RIN2: variants seen among roughly 807,000 people sequenced by gnomAD.
The protein encoded by RIN2 is Ras and Rab interactor 2.
A neutral mutation model predicts 78.0 loss-of-function variants in RIN2; 36 were observed. The observed-to-expected ratio is 0.46, with a 90% CI of 0.35 to 0.61. The LOEUF is 0.61. RIN2 is among the 20% of genes least tolerant of loss of function. RIN2 has a pLI of 0.00. For synonymous variants in RIN2, 466 were observed against 466.8 expected (o/e 1.00, Z 0.02); for missense variants, 1,087 against 1,159.7 (o/e 0.94, Z 0.91).
rs554208195 is a variant in RIN2, at chr20:19,945,200, G to A, written c.158+10001G>A. Among the ~76,000 whole-genome samples the A allele has an allele frequency of 2.6e-5, 4 of 152,340 alleles. No individual in the cohort carries two copies. The South Asian group carries it at 8.3e-4, about 32-fold the overall frequency. ...GGGCAGTGCTGAGGCTCTGATTCAAGTCTGACTTGGAGTCCTCTTTCCACC... is the reference window on the plus strand; with the variant it reads ...GGGCAGTGCTGAGGCTCTGATTCAAATCTGACTTGGAGTCCTCTTTCCACC... On this transcript the variant is annotated intron_variant, in intron 4 of 12. Transcript: ENST00000255006.
In RIN2 at chr20:19,785,250, TA is replaced by T. The variant is rs200365092; in HGVS notation, c.-162-14371del. ...AGTTTGTGAATCTAAGCATTTCAGC[TA>T]GTCAATGTTCTCACCCCTCTACATA... is the stretch of plus-strand genomic sequence containing the variant. On this transcript the variant is annotated intron_variant, in intron 1 of 12. Transcript: ENST00000255006. 3.3e-3 allele frequency among the ~76,000 whole-genome samples: 497 copies of T among 151,288 alleles called. 8 individuals carry two copies. Among genetic ancestry groups the T allele is most frequent in the Admixed American group, 0.024 (360 of 15,178 alleles).
intron 4 of RIN2, among the ~76,000 whole-genome samples, chr20:19,954,011 A>T (rs1321925213): frequency 1.3e-5 from 2 of 152,224 alleles, no homozygotes; most frequent in African/African-American, 2.4e-5. Flanking sequence ...TCTTGAATGA[A>T]TGAGTGAGAT....
chr20:19,836,583 T>G (rs1015959609), intron 2 of RIN2, among the ~76,000 whole-genome samples: 1 of 152,136 alleles, frequency 6.6e-6, no homozygotes, highest in African/African-American at 2.4e-5. Flanking sequence ...ATCTACCAAT[T>G]AGGAGACCAT....
intron 2 of RIN2, chr20:19,823,908 G>C: frequency 6.3e-7 from 1 of 1,592,876 alleles, no homozygotes. Flanking sequence ...TCAGGTATAC[G>C]ACTTTGATCT....
chr20:19,880,392 CTTTTTTTTTTTTTTT>C (rs33934712), intron 2 of RIN2, among the ~76,000 whole-genome samples: 1 of 57,388 alleles, frequency 1.7e-5, no homozygotes, highest in Non-Finnish European at 2.9e-5. Flanking sequence ...GGAAGTCATT[CTTTTTTTTTTTTTTT>C]TTTTTTTTTT....
chr20:19,862,175 G>T (rs530853604), intron 2 of RIN2, among the ~76,000 whole-genome samples: 1 of 152,180 alleles, frequency 6.6e-6, no homozygotes, highest in East Asian at 1.9e-4. Flanking sequence ...TTGGTAATAT[G>T]CATATGATAC....
chr20:19,851,431 T>C (rs962109050), intron 2 of RIN2, among the ~76,000 whole-genome samples: 2 of 152,048 alleles, frequency 1.3e-5, no homozygotes, highest in African/African-American at 2.4e-5. Flanking sequence ...ACAAAGAACC[T>C]TGGTCTTGGG....
At chr20:19,793,922 T>G (rs769807044) in intron 1 of RIN2, among the ~76,000 whole-genome samples, 3 of 152,104 alleles carry the variant, frequency 2.0e-5, no homozygotes, top group Admixed American at 6.6e-5. Context: ...GTGAGTAAAT[T>G]CTTAGCCTGA....
At chr20:19,822,766 A>T (rs2035965302) in intron 2 of RIN2, among the ~76,000 whole-genome samples, 1 of 152,216 alleles carries the variant, frequency 6.6e-6, no homozygotes, top group Admixed American at 6.5e-5. Flanking sequence ...TTTGTTGCTC[A>T]TGCTAATATA....
At chr20:19,914,304 C>A (rs1013977845) in intron 3 of RIN2, among the ~76,000 whole-genome samples, 1 of 152,100 alleles carries the variant, frequency 6.6e-6, no homozygotes, top group Non-Finnish European at 1.5e-5. Context: ...TAGGCTATTA[C>A]CCTAAAGGTA....
chr20:19,926,427 C>T (rs78413354), intron 3 of RIN2, among the ~76,000 whole-genome samples: 2,394 of 152,064 alleles, frequency 0.016, 68 homozygotes, highest in African/African-American at 0.054. Flanking sequence ...GCCTCCATTA[C>T]GTTTTTGTTT....
intron 11 of RIN2, among the ~76,000 whole-genome samples, chr20:19,996,340 A>C (rs2042963925): frequency 6.6e-6 from 1 of 152,020 alleles, no homozygotes; most frequent in Non-Finnish European, 1.5e-5. Context: ...AAAAACAAAC[A>C]AACAAAAAAA....
intron 3 of RIN2, among the ~76,000 whole-genome samples, chr20:19,910,960 A>G (rs555845552): frequency 5.1e-4 from 77 of 152,300 alleles, no homozygotes; most frequent in African/African-American, 1.7e-3. Flanking sequence ...CCTTGGTTCC[A>G]TATGCACCAG....
chr20:19,873,336 A>G (rs567020525), intron 2 of RIN2, among the ~76,000 whole-genome samples: 3 of 152,228 alleles, frequency 2.0e-5, no homozygotes, highest in African/African-American at 7.2e-5. Context: ...TATGTTGCCA[A>G]GGCTGCTCTT....
chr20:19,862,093 G>A (rs950082005), intron 2 of RIN2, among the ~76,000 whole-genome samples: 1 of 152,110 alleles, frequency 6.6e-6, no homozygotes, highest in Non-Finnish European at 1.5e-5. Context: ...AGTGGAGTCC[G>A]GCCATCCTGG....
intron 2 of RIN2, among the ~76,000 whole-genome samples, chr20:19,874,714 TG>T (rs2037802572): frequency 6.6e-6 from 1 of 152,172 alleles, no homozygotes; most frequent in Non-Finnish European, 1.5e-5. Flanking sequence ...CAGGTTACAC[TG>T]AGCAGAGGAG....
At chr20:19,930,431 C>A (rs1453848065) in intron 3 of RIN2, among the ~76,000 whole-genome samples, 1 of 152,150 alleles carries the variant, frequency 6.6e-6, no homozygotes, top group Non-Finnish European at 1.5e-5. Context: ...AAGAGCGGTA[C>A]CCAGACAAAA....
At chr20:19,867,151 A>G (rs908108811) in intron 2 of RIN2, among the ~76,000 whole-genome samples, 2 of 151,974 alleles carry the variant, frequency 1.3e-5, no homozygotes, top group Non-Finnish European at 1.5e-5. Context: ...TATTTGTTTT[A>G]TTTCTCTTTT....
intron 3 of RIN2, among the ~76,000 whole-genome samples, chr20:19,922,854 T>C (rs1487467977): frequency 1.3e-5 from 2 of 152,072 alleles, no homozygotes; most frequent in Non-Finnish European, 2.9e-5. Flanking sequence ...GTTTAAACCA[T>C]ACCTTTCACT....
Sources: gnomAD v4.1 joint callset for allele counts (sites outside exome capture counted in the v4.1 genomes callset) on GRCh38, gnomAD v4.1.1 for gene constraint, MANE v1.5 for transcripts, NCBI Gene and HGNC (gene_info 2026-07-23, HGNC 2026-07-21) for gene names.